PKD1L3: variants seen among roughly 807,000 people sequenced by gnomAD.
PKD1L3 encodes the protein polycystin 1 like 3, transient receptor potential channel interacting.
Under a neutral mutation model 184.1 loss-of-function variants are expected in PKD1L3, and 239 were observed. The observed-to-expected ratio is 1.30, with a 90% CI of 1.17 to 1.45. PKD1L3 has a LOEUF of 1.45. Ranked by LOEUF, PKD1L3 falls within the 40% of genes most tolerant of loss-of-function variation. The pLI is 0.00. For synonymous variants in PKD1L3, 996 were observed against 778.8 expected, an observed-to-expected ratio of 1.28 and a Z score of -4.64; for missense variants, 2,660 against 2,067.2, an observed-to-expected ratio of 1.29 and a Z score of -5.56.
At chr16:71,946,161 T>C (rs566135988) in intron 22 of PKD1L3, among the ~76,000 whole-genome samples, 1 of 152,300 alleles carries the variant, frequency 6.6e-6, no homozygotes, top group East Asian at 1.9e-4. Context: ...TTTCACCATG[T>C]TGGCCAGGCT....
chr16:71,999,334 C>G (rs2040894676), intron 1 of PKD1L3, among the ~76,000 whole-genome samples: 1 of 151,834 alleles, frequency 6.6e-6, no homozygotes, highest in Non-Finnish European at 1.5e-5. Flanking sequence ...TACTCTTCCT[C>G]TTAGTTTTGT....
chr16:71,967,409 T>C (rs918099357), intron 14 of PKD1L3, 94 bp from the exon 15 acceptor site: 1 of 1,214,484 alleles, frequency 8.2e-7, no homozygotes, highest in Non-Finnish European at 1.1e-6. Context: ...TAGAAAACTA[T>C]TTAGATCAAG....
intron 22 of PKD1L3, among the ~76,000 whole-genome samples, chr16:71,945,356 G>T (rs1433457214): frequency 2.6e-5 from 2 of 76,456 alleles, no homozygotes; most frequent in Non-Finnish European, 2.6e-5. Flanking sequence ...ATTTATATAT[G>T]TATTTATATA....
intron 1 of PKD1L3, 90 bp from the exon 2 acceptor site, chr16:71,998,484 T>G: frequency 6.9e-7 from 1 of 1,456,518 alleles, no homozygotes; most frequent in Non-Finnish European, 9.0e-7. Flanking sequence ...ACAGTCCCAC[T>G]CAGTCACCCA....
chr16:71,980,053 A>C lies in PKD1L3; in HGVS notation c.1225T>G (p.Ser409Ala). Residue 409 changes from serine to alanine, a missense_variant, in exon 8 of 30, where the codon TCT (serine) becomes GCT (alanine). Ser to Ala is a moderately conservative substitution (Grantham distance 99, BLOSUM62 1). Coordinates refer to ENST00000620267, the MANE Select transcript of PKD1L3 (RefSeq NM_181536.2). ...AFLEQNQSPE[S>A]SVTLTSANAT... ...TTGGCAGAGGTCAAAGTCACTGAAG[A>C]CTCGGGAGACTGGTTCTGCTCTAGA... 1 of 1,551,920 alleles carries C rather than the reference A, an allele frequency of 6.4e-7. No individual in the cohort carries two copies.
In PKD1L3 at chr16:71,937,313, G is replaced by C. The variant is rs1280382227; in HGVS notation, c.4431C>G (p.Val1477=). Reference sequence around the variant, plus strand: ...TCACCTGTATGAAGGCATAGTAACAGACCAGTAGATAATAGATGACTTGTG... The same window carrying C: ...TCACCTGTATGAAGGCATAGTAACACACCAGTAGATAATAGATGACTTGTG... ...IISQVIYYLL[V]CYYAFIQGCQ... Residue 1477 remains valine (V), a synonymous_variant, in exon 25 of 30, where the codon GTC becomes GTG. Coordinates refer to ENST00000620267, the MANE Select transcript of PKD1L3 (RefSeq NM_181536.2). 1 of 1,551,470 alleles carries C rather than the reference G, an allele frequency of 6.4e-7. No individual in the cohort carries two copies. The highest frequency in any genetic ancestry group is 1.2e-5 in the South Asian group (1 of 84,050).
chr16:71,963,339 C>T lies in PKD1L3; in HGVS notation c.2478G>A (p.Gln826=), dbSNP rs1181689343. 9 of 1,549,564 alleles carry T rather than the reference C, an allele frequency of 5.8e-6. No individual in the cohort carries two copies. The South Asian group carries it at 9.6e-5, about 16-fold the overall frequency. The change falls in exon 16 of 30, where the codon CAG becomes CAA. Residue 826 remains glutamine, a synonymous_variant. Coordinates refer to ENST00000620267, the MANE Select transcript of PKD1L3 (RefSeq NM_181536.2). ...TAACTGCCATGTCACAGACAATTACCTGGCTGACATACCTATAGTAAAATG... is the reference window on the plus strand; with the variant it reads ...TAACTGCCATGTCACAGACAATTACTTGGCTGACATACCTATAGTAAAATG... ...SGVSPSWYVS[Q]VIVCDMAVKR... is the part of the protein sequence containing the mutation.
intron 14 of PKD1L3, 30 bp downstream of exon 14, chr16:71,967,876 G>A: frequency 6.6e-7 from 1 of 1,514,244 alleles, no homozygotes; most frequent in Non-Finnish European, 9.0e-7. Context: ...GAAGACACAA[G>A]GCAATGTGAA....
chr16:71,952,470 C>T (rs748676944), intron 18 of PKD1L3, among the ~76,000 whole-genome samples: 11 of 150,850 alleles, frequency 7.3e-5, no homozygotes, highest in African/African-American at 1.2e-4. Context: ...CCGCCTGCCT[C>T]GGCCTCCCAA....
chr16:71,975,098 C>A (rs924601660), intron 11 of PKD1L3, among the ~76,000 whole-genome samples: 2 of 152,094 alleles, frequency 1.3e-5, no homozygotes, highest in Non-Finnish European at 2.9e-5. Context: ...CTCTGTCACC[C>A]AGGCTGGAGT....
chr16:71,930,219 A>C, intron 28 of PKD1L3, 36 bp from the exon 29 acceptor site: 1 of 1,514,472 alleles, frequency 6.6e-7, no homozygotes, highest in Non-Finnish European at 8.9e-7. Flanking sequence ...AGTGACTGAC[A>C]ATTTAGTTTA....
chr16:71,943,004 G>T lies in PKD1L3; in HGVS notation c.3880C>A (p.Leu1294Met). 1 of 1,550,432 alleles carries T rather than the reference G, an allele frequency of 6.4e-7. No individual in the cohort carries two copies. Residue 1294 changes from leucine to methionine, a missense_variant, in exon 24 of 30, where the codon CTG becomes ATG. Physicochemically the swap from Leu to Met is conservative, Grantham distance 15 (BLOSUM62 2). Transcript: ENST00000620267. ...GCAGAGTAGATTGCAGTCATCAACA[G>T]GGTAAGGAAGAGGATTTGTACTTGT... is the stretch of plus-strand genomic sequence containing the variant. ...DILVQILFLT[L>M]LMTAIYSAKN...
Position 71,974,091 on chromosome 16 carries a change from A to T in PKD1L3, c.1760-574T>A, listed in dbSNP as rs368324397. Among the ~76,000 whole-genome samples, 27 of 152,378 alleles carry T rather than the reference A, an allele frequency of 1.8e-4. 1 individual carries two copies. The highest frequency in any genetic ancestry group is 9.8e-4 in the Admixed American group (15 of 15,294). On this transcript the variant is annotated intron_variant, in intron 11 of 29. Transcript: ENST00000620267. ...TTTAGAATGTATTACGAGGTTTAGA[A>T]AAATGAAATGAGCACATATCTAAGT...
intron 4 of PKD1L3, among the ~76,000 whole-genome samples, chr16:71,988,175 A>G (rs2040447101): frequency 6.6e-6 from 1 of 152,128 alleles, no homozygotes; most frequent in East Asian, 1.9e-4. Flanking sequence ...AGTAGGAGGC[A>G]AATGTAAAAG....
intron 25 of PKD1L3, among the ~76,000 whole-genome samples, chr16:71,936,880 T>C (rs2038198874): frequency 6.6e-6 from 1 of 152,188 alleles, no homozygotes; most frequent in African/African-American, 2.4e-5. Flanking sequence ...CTTAATTCTT[T>C]AGCTCCTGAA....
At chr16:71,946,125 A>AT in intron 22 of PKD1L3, among the ~76,000 whole-genome samples, 1 of 152,074 alleles carries the variant, frequency 6.6e-6, no homozygotes, top group African/African-American at 2.4e-5. Flanking sequence ...CACCCAGCTA[A>AT]TTTTGTATTT....
chr16:71,979,064 G>T (rs187204329), intron 9 of PKD1L3, among the ~76,000 whole-genome samples: 1 of 152,156 alleles, frequency 6.6e-6, no homozygotes, highest in African/African-American at 2.4e-5. Flanking sequence ...TATTTGTCAG[G>T]TAACTGCTGA....
rs1372663270 is a variant in PKD1L3 at position 71,993,222 on chromosome 16, G to A, written c.529C>T (p.Pro177Ser). 3 of 1,542,326 alleles carry A rather than the reference G, an allele frequency of 1.9e-6. No individual in the cohort carries two copies. Among genetic ancestry groups the A allele is most frequent in the Admixed American group, 2.0e-5 (1 of 49,990 alleles). ...TAGAGGAGTAACGCATTACCTGGGG[G>A]CATTTTGTCTCTTGCTATTGCAACT... ...RGVAIARDKM[P>S]PGPGHLPTTC... is the part of the protein sequence containing the mutation. The change falls in exon 3 of 30, where the codon CCC becomes TCC. Residue 177 changes from proline to serine, a missense_variant. By Grantham distance (74) the Pro-to-Ser change is moderately conservative. Coordinates refer to ENST00000620267, the MANE Select transcript of PKD1L3 (RefSeq NM_181536.2).
At chr16:71,979,667 ACT>A in intron 9 of PKD1L3, 117 bp downstream of exon 9, 1 of 1,212,054 alleles carries the variant, frequency 8.3e-7, no homozygotes, top group South Asian at 2.3e-5. Context: ...TGCTACATAA[ACT>A]CTCTCATCTG....
Sources: gnomAD v4.1 joint callset for allele counts (sites outside exome capture counted in the v4.1 genomes callset) on GRCh38, gnomAD v4.1.1 for gene constraint, MANE v1.5 for transcripts, NCBI Gene and HGNC (gene_info 2026-07-23, HGNC 2026-07-21) for gene names.